The following LYN variants were observed in gnomAD, a reference collection of about 807,000 sequenced individuals.
The protein encoded by LYN is LYN proto-oncogene, Src family tyrosine kinase, also known as tyrosine-protein kinase Lyn.
LYN carries 12 observed loss-of-function variants against 65.0 expected under a neutral mutation model. That is an observed-to-expected ratio of 0.18 (90% CI 0.12 to 0.30). The LOEUF (loss-of-function observed/expected upper bound fraction) is 0.30. Among genes scored for constraint, LYN ranks in the 10% least tolerant of loss-of-function variants. The pLI is 1.00. For missense variants in LYN, 380 were observed against 623.2 expected (o/e 0.61, Z 4.16); for synonymous variants, 222 against 221.2 (o/e 1.00, Z -0.03).
intron 1 of LYN, among the ~76,000 whole-genome samples, chr8:55,915,363 A>G (rs533353539): frequency 5.8e-4 from 89 of 152,366 alleles, no homozygotes; most frequent in African/African-American, 2.0e-3. Flanking sequence ...TTAAAAAAAT[A>G]CTTCTGTGAA....
At chr8:55,923,888 G>GAA (rs543864525) in intron 1 of LYN, among the ~76,000 whole-genome samples, 4 of 143,850 alleles carry the variant, frequency 2.8e-5, no homozygotes, top group African/African-American at 1.0e-4. Context: ...AGTGCCATTT[G>GAA]AAAAAAAAAA....
At chr8:56,009,128 G>A (rs1046000075) in intron 12 of LYN, among the ~76,000 whole-genome samples, 2 of 152,220 alleles carry the variant, frequency 1.3e-5, no homozygotes, top group Non-Finnish European at 2.9e-5. Flanking sequence ...AAGATAATAT[G>A]TGGTAAAATT....
chr8:55,988,353 A>T (rs1808141678), intron 10 of LYN, among the ~76,000 whole-genome samples: 2 of 145,836 alleles, frequency 1.4e-5, no homozygotes, highest in African/African-American at 5.2e-5. Flanking sequence ...TTTTGTTGTT[A>T]TCATTAAATG....
chr8:56,003,928 C>CTTTTTT (rs1213079280), intron 12 of LYN, among the ~76,000 whole-genome samples: 92 of 104,676 alleles, frequency 8.8e-4, no homozygotes, highest in East Asian at 2.2e-3. Flanking sequence ...ATATTTTATT[C>CTTTTTT]TTTTTTTTTT....
At chr8:55,896,654 TAAAAAAATTTTA>T (rs1805111516) in intron 1 of LYN, among the ~76,000 whole-genome samples, 1 of 151,806 alleles carries the variant, frequency 6.6e-6, no homozygotes, top group African/African-American at 2.4e-5. Context: ...TAGAGTATAA[TAAAAAAATTTTA>T]AAAAAAAGAA....
chr8:55,953,893 G>A lies in LYN; in HGVS notation c.699G>A (p.Lys233=), dbSNP rs2227980. ...EKACISPKPQ[K]PWDKDAWEIP... ...CTTGTATTAGTCCCAAGCCACAGAA[G>A]CCATGGGATAAAGATGCCTGGGAGA... Residue 233 remains lysine (K), a synonymous_variant, in exon 8 of 13, where the codon AAG becomes AAA. Coordinates refer to ENST00000519728, the MANE Select transcript of LYN (RefSeq NM_002350.4). The A allele has an allele frequency of 0.049, 78,987 of 1,613,918 alleles. 7,144 individuals are homozygous for A. Among genetic ancestry groups the A allele is most frequent in the African/African-American group, 0.4 (30,327 of 74,908 alleles).
At chr8:55,960,260 A>G (rs1162439169) in intron 8 of LYN, among the ~76,000 whole-genome samples, 1 of 152,244 alleles carries the variant, frequency 6.6e-6, no homozygotes, top group African/African-American at 2.4e-5. Flanking sequence ...CAGTGGTAAC[A>G]TCTTGTAAAA....
Position 55,966,843 on chromosome 8 carries a change from G to A in LYN, c.919G>A (p.Ala307Thr), listed in dbSNP as rs745631117. 6.2e-7 allele frequency: 1 copy of A among 1,614,044 alleles called. No homozygotes were observed. Among genetic ancestry groups the A allele is most frequent in the East Asian group, 2.2e-5 (1 of 44,876 alleles). The part of the protein sequence containing the change: ...LQHDKLVRLY[A>T]VVTREEPIYI... ...GCATGACAAGCTCGTGAGGCTCTAC[G>A]CTGTGGTCACCAGGGAGGAGCCCAT... The change falls in exon 9 of 13, where the codon GCT (alanine) becomes ACT (threonine). Residue 307 changes from alanine (A) to threonine (T), a missense_variant. Coordinates refer to ENST00000519728, the MANE Select transcript of LYN (RefSeq NM_002350.4).
intron 1 of LYN, among the ~76,000 whole-genome samples, chr8:55,896,807 C>T (rs1034501751): frequency 6.6e-6 from 1 of 152,118 alleles, no homozygotes; most frequent in Non-Finnish European, 1.5e-5. Context: ...GGCGTGATCT[C>T]GGCTCCCCGC....
chr8:55,934,512 G>A (rs531559516), intron 1 of LYN, among the ~76,000 whole-genome samples: 22 of 152,272 alleles, frequency 1.4e-4, no homozygotes, highest in African/African-American at 5.1e-4. Flanking sequence ...GCTGATTCGA[G>A]GGATGTTAAA....
chr8:55,978,747 G>C (rs1377125431), intron 10 of LYN, among the ~76,000 whole-genome samples: 1 of 152,206 alleles, frequency 6.6e-6, no homozygotes, highest in Non-Finnish European at 1.5e-5. Context: ...CACGCAGTCA[G>C]AGAGCAGGGA....
intron 1 of LYN, among the ~76,000 whole-genome samples, chr8:55,887,737 G>A (rs1257230860): frequency 1.3e-5 from 2 of 151,540 alleles, no homozygotes; most frequent in Non-Finnish European, 1.5e-5. Flanking sequence ...AGCCTCCTGA[G>A]TAGCTGGAAT....
intron 10 of LYN, among the ~76,000 whole-genome samples, chr8:55,971,682 A>G (rs1285689913): frequency 6.6e-6 from 1 of 152,166 alleles, no homozygotes; most frequent in African/African-American, 2.4e-5. Context: ...GGTATTTTGT[A>G]TTGGGTTTTG....
intron 1 of LYN, among the ~76,000 whole-genome samples, chr8:55,886,420 G>T (rs1804797460): frequency 6.6e-6 from 1 of 151,884 alleles, no homozygotes; most frequent in Non-Finnish European, 1.5e-5. Context: ...GCTAATTTTT[G>T]TATTTTTAGT....
chr8:55,947,889 A>G (rs1806831411), intron 4 of LYN, among the ~76,000 whole-genome samples, 166 bp downstream of exon 4: 1 of 152,194 alleles, frequency 6.6e-6, no homozygotes, highest in Admixed American at 6.5e-5. Flanking sequence ...TGGAAGGAAT[A>G]GAGCCAAAGG....
chr8:55,905,084 A>G (rs1805381871), intron 1 of LYN, among the ~76,000 whole-genome samples: 1 of 152,134 alleles, frequency 6.6e-6, no homozygotes, highest in Non-Finnish European at 1.5e-5. Flanking sequence ...TACTAGATTC[A>G]GCTATGTGGG....
chr8:55,997,265 G>A (rs748595323), intron 10 of LYN, among the ~76,000 whole-genome samples: 9 of 152,018 alleles, frequency 5.9e-5, no homozygotes, highest in East Asian at 1.9e-4. Context: ...TGACAGAAAC[G>A]ACATCCTGTT....
intron 8 of LYN, among the ~76,000 whole-genome samples, chr8:55,961,965 T>A (rs1807292486): frequency 6.6e-6 from 1 of 151,616 alleles, no homozygotes; most frequent in African/African-American, 2.4e-5. Context: ...TTTTGCCACT[T>A]TTGTATATGG....
intron 10 of LYN, among the ~76,000 whole-genome samples, chr8:55,990,207 C>G (rs1808208124): frequency 7.1e-6 from 1 of 140,708 alleles, no homozygotes; most frequent in Non-Finnish European, 1.5e-5. Flanking sequence ...CCACTGCACT[C>G]CAGCCTGGGT....
Sources: gnomAD v4.1 joint callset for allele counts (sites outside exome capture counted in the v4.1 genomes callset) on GRCh38, gnomAD v4.1.1 for gene constraint, MANE v1.5 for transcripts, NCBI Gene and HGNC (gene_info 2026-07-23, HGNC 2026-07-21) for gene names.